Variants in RBMS3 observed in about 807,000 individuals in gnomAD.
RBMS3 encodes RNA binding motif single stranded interacting protein 3, also known as RNA-binding motif, single-stranded-interacting protein 3.
RBMS3 carries 27 observed loss-of-function variants against 66.8 expected under a neutral mutation model. That is an observed-to-expected ratio of 0.40 (90% CI 0.30 to 0.56). The LOEUF (loss-of-function observed/expected upper bound fraction) is 0.56. Among genes scored for constraint, RBMS3 ranks in the 20% least tolerant of loss-of-function variants. The pLI, the probability that RBMS3 is intolerant of heterozygous loss-of-function variation, is 0.40. For synonymous variants in RBMS3, 188 were observed against 183.0 expected (o/e 1.03, Z -0.22); for missense variants, 513 against 549.5 (o/e 0.93, Z 0.66).
At chr3:29,328,739 T>G (rs1013385894) in intron 1 of RBMS3, among the ~76,000 whole-genome samples, 1 of 152,154 alleles carries the variant, frequency 6.6e-6, no homozygotes, top group African/African-American at 2.4e-5. Flanking sequence ...CTCATAAAGG[T>G]GCTCAGAGCA....
chr3:29,360,352 T>A (rs1435074744), intron 1 of RBMS3, among the ~76,000 whole-genome samples: 5 of 151,894 alleles, frequency 3.3e-5, no homozygotes, highest in Non-Finnish European at 7.4e-5. Flanking sequence ...TGTAGTTGAG[T>A]GGTTTTGAGT....
At chr3:29,282,571 G>A (rs1013514379) in intron 1 of RBMS3, among the ~76,000 whole-genome samples, 5 of 152,106 alleles carry the variant, frequency 3.3e-5, no homozygotes, top group Admixed American at 6.6e-5. Context: ...TTATCCTGCA[G>A]TTAAGACATG....
At chr3:29,785,600 A>G (rs761252002) in intron 6 of RBMS3, among the ~76,000 whole-genome samples, 1 of 152,112 alleles carries the variant, frequency 6.6e-6, no homozygotes, top group Non-Finnish European at 1.5e-5. Context: ...AAATCACATG[A>G]TCATCTCAAT....
At chr3:29,363,988 A>G (rs1474979813) in intron 1 of RBMS3, among the ~76,000 whole-genome samples, 1 of 152,094 alleles carries the variant, frequency 6.6e-6, no homozygotes, top group Non-Finnish European at 1.5e-5. Context: ...CTTTTGTGTT[A>G]CCACTTGGGA....
intron 4 of RBMS3, among the ~76,000 whole-genome samples, chr3:29,661,203 A>G (rs570658701): frequency 6.6e-6 from 1 of 152,348 alleles, no homozygotes; most frequent in African/African-American, 2.4e-5. Context: ...CTTCAGAGTT[A>G]CAAAAGAGTT....
At chr3:29,442,247 C>T (rs1575824973) in intron 2 of RBMS3, among the ~76,000 whole-genome samples, 2 of 151,990 alleles carry the variant, frequency 1.3e-5, no homozygotes, top group South Asian at 4.2e-4. Flanking sequence ...GAACAAAAGT[C>T]CAGTGAGTCT....
chr3:29,561,475 C>T (rs562239721), intron 3 of RBMS3, among the ~76,000 whole-genome samples: 15 of 151,634 alleles, frequency 9.9e-5, no homozygotes, highest in African/African-American at 1.5e-4. Flanking sequence ...GTTGCTGAGA[C>T]GGAGTCTCAC....
Position 29,585,171 on chromosome 3 carries a change from C to G in RBMS3, c.308-1943C>G, listed in dbSNP as rs2047470639. Reference sequence around the variant, plus strand: ...CTTTATTATTGAATGAATAAATAAGCCGATGAACGGATGAGGAAGATTGGC... The same window carrying G: ...CTTTATTATTGAATGAATAAATAAGGCGATGAACGGATGAGGAAGATTGGC... On this transcript the variant is annotated intron_variant, in intron 3 of 14. Transcript: ENST00000383767. 5.3e-5 allele frequency among the ~76,000 whole-genome samples: 8 copies of G among 152,176 alleles called. No individual in the cohort carries two copies. The South Asian group carries it at 1.5e-3, about 28-fold the overall frequency.
intron 2 of RBMS3, among the ~76,000 whole-genome samples, chr3:29,471,604 G>T (rs1004906579): frequency 4.6e-5 from 7 of 151,816 alleles, no homozygotes; most frequent in African/African-American, 1.7e-4. Context: ...AACCTACCTG[G>T]TAATAGAATC....
intron 2 of RBMS3, among the ~76,000 whole-genome samples, chr3:29,484,329 A>G (rs1051239128): frequency 1.3e-5 from 2 of 152,212 alleles, no homozygotes; most frequent in Admixed American, 1.3e-4. Flanking sequence ...AGTGGGAAAT[A>G]CAAGATCAAG....
At chr3:29,882,713 T>C (rs1444454398) in intron 7 of RBMS3, among the ~76,000 whole-genome samples, 1 of 152,102 alleles carries the variant, frequency 6.6e-6, no homozygotes, top group Non-Finnish European at 1.5e-5. Context: ...AGAATTTTCA[T>C]GTCAATTATA....
Position 29,549,718 on chromosome 3 carries a change from G to T in RBMS3, c.308-37396G>T, listed in dbSNP as rs192936414. On this transcript the variant is annotated intron_variant, in intron 3 of 14. Transcript: ENST00000383767. ...GATTGATTTTTAAAAACATTAACCAGAAAAAATATTTTAAGCTAGCAGGAA... is the reference window on the plus strand; with the variant it reads ...GATTGATTTTTAAAAACATTAACCATAAAAAATATTTTAAGCTAGCAGGAA... 1.2e-3 allele frequency among the ~76,000 whole-genome samples: 176 copies of T among 151,650 alleles called. 1 individual carries two copies. The highest frequency in any genetic ancestry group is 3.9e-3 in the African/African-American group (163 of 41,346).
intron 2 of RBMS3, among the ~76,000 whole-genome samples, chr3:29,463,945 T>C (rs1012421384): frequency 1.3e-5 from 2 of 152,154 alleles, no homozygotes; most frequent in Non-Finnish European, 2.9e-5. Context: ...CATATGAAGA[T>C]ACAATTCAGA....
intron 1 of RBMS3, among the ~76,000 whole-genome samples, chr3:29,342,245 C>T (rs894939057): frequency 5.9e-5 from 9 of 152,040 alleles, no homozygotes; most frequent in Admixed American, 2.6e-4. Context: ...CTAGATCATC[C>T]GAGGAGATTT....
chr3:29,643,731 T>C (rs778648126), intron 4 of RBMS3, among the ~76,000 whole-genome samples: 2 of 152,122 alleles, frequency 1.3e-5, no homozygotes, highest in African/African-American at 2.4e-5. Context: ...GGGAGGTTTC[T>C]AGAGAAAAGG....
intron 14 of RBMS3, chr3:29,991,815 C>A (rs993526078): frequency 8.5e-5 from 13 of 152,130 alleles, no homozygotes; most frequent in African/African-American, 3.1e-4. Flanking sequence ...TAACACTCCC[C>A]CTTGTAGGGT....
chr3:29,689,491 A>T (rs1007903939), intron 4 of RBMS3, among the ~76,000 whole-genome samples: 5 of 152,122 alleles, frequency 3.3e-5, no homozygotes, highest in Admixed American at 6.5e-5. Flanking sequence ...CAGGAGTTTA[A>T]TTTTACTTGT....
At chr3:29,653,565 G>A (rs771647451) in intron 4 of RBMS3, among the ~76,000 whole-genome samples, 80 of 152,032 alleles carry the variant, frequency 5.3e-4, no homozygotes, top group Non-Finnish European at 9.6e-4. Flanking sequence ...ACCAGAGTGA[G>A]GATGTGTATT....
At chr3:29,520,252 G>A (rs1035152557) in intron 3 of RBMS3, among the ~76,000 whole-genome samples, 5 of 152,112 alleles carry the variant, frequency 3.3e-5, no homozygotes, top group East Asian at 1.9e-4. Context: ...ATTAAAAAGC[G>A]TGCAGTATCT....
Sources: gnomAD v4.1 joint callset for allele counts (sites outside exome capture counted in the v4.1 genomes callset) on GRCh38, gnomAD v4.1.1 for gene constraint, MANE v1.5 for transcripts, NCBI Gene and HGNC (gene_info 2026-07-23, HGNC 2026-07-21) for gene names.